Variants in MAP3K7CL observed in about 807,000 individuals in gnomAD.
The protein encoded by MAP3K7CL is MAP3K7 C-terminal-like protein.
A neutral mutation model predicts 18.6 loss-of-function variants in MAP3K7CL; 16 were observed. The observed-to-expected ratio is 0.86, with a 90% CI of 0.58 to 1.31. The LOEUF (loss-of-function observed/expected upper bound fraction) is 1.31. MAP3K7CL is among the 50% of genes most tolerant of loss of function. The probability of loss-of-function intolerance (pLI) is 0.00; values close to 1 mark genes in which losing one functional copy is unlikely to be tolerated. For synonymous variants in MAP3K7CL, 65 were observed against 66.8 expected (o/e 0.97, Z 0.13); for missense variants, 163 against 174.4 (o/e 0.93, Z 0.37).
In MAP3K7CL at chr21:29,125,163, T is replaced by C. The variant is rs139942537; in HGVS notation, c.371-24026T>C. Among the ~76,000 whole-genome samples the C allele has an allele frequency of 3.9e-3, 595 of 152,352 alleles. 5 individuals are homozygous for C. The highest frequency in any genetic ancestry group is 0.014 in the African/African-American group (564 of 41,582). ...CATAGTGCCTGTTTTATTTCTGGCATTGTTGCACGTACTTGTATTGCTCTT... is the reference window on the plus strand; with the variant it reads ...CATAGTGCCTGTTTTATTTCTGGCACTGTTGCACGTACTTGTATTGCTCTT... On this transcript the variant is annotated intron_variant, in intron 4 of 6. Coordinates refer to the MAP3K7CL transcript ENST00000286791.
chr21:29,089,536 TAA>T (rs2085986047), intron 1 of MAP3K7CL, among the ~76,000 whole-genome samples: 2 of 152,218 alleles, frequency 1.3e-5, no homozygotes, highest in African/African-American at 4.8e-5. Context: ...AACCCTTTCC[TAA>T]GTTAGGGGCT....
chr21:29,099,963 G>A (rs112676534), intron 4 of MAP3K7CL, among the ~76,000 whole-genome samples: 1 of 151,694 alleles, frequency 6.6e-6, no homozygotes, highest in East Asian at 1.9e-4. Flanking sequence ...GGCGCCTGTA[G>A]TCCCAGCTAC....
intron 2 of MAP3K7CL, among the ~76,000 whole-genome samples, chr21:29,145,921 T>A (rs1217319589): frequency 3.3e-5 from 5 of 152,058 alleles, no homozygotes; most frequent in African/African-American, 1.2e-4. Flanking sequence ...TATCTGTAAG[T>A]TTATCAGTAT....
At chr21:29,165,230 G>C (rs73897268) in intron 4 of MAP3K7CL, among the ~76,000 whole-genome samples, 1 of 152,090 alleles carries the variant, frequency 6.6e-6, no homozygotes, top group Non-Finnish European at 1.5e-5. Flanking sequence ...ATGAAATATT[G>C]TATTGGGTAC....
chr21:29,139,092 T>C (rs2086946356), intron 2 of MAP3K7CL, among the ~76,000 whole-genome samples: 1 of 152,238 alleles, frequency 6.6e-6, no homozygotes, highest in Non-Finnish European at 1.5e-5. Context: ...TTTTAAATAA[T>C]ACAGTTTTCT....
intron 4 of MAP3K7CL, among the ~76,000 whole-genome samples, chr21:29,162,448 G>A (rs150520301): frequency 6.6e-6 from 1 of 151,230 alleles, no homozygotes; most frequent in African/African-American, 2.4e-5. Context: ...TTGGGAGGCC[G>A]AGGCAGGCAG....
intron 4 of MAP3K7CL, among the ~76,000 whole-genome samples, chr21:29,106,910 A>G (rs1253065657): frequency 6.6e-6 from 1 of 152,140 alleles, no homozygotes; most frequent in African/African-American, 2.4e-5. Flanking sequence ...GCTTTGTCCA[A>G]TTCTGTCCAA....
intron 4 of MAP3K7CL, among the ~76,000 whole-genome samples, chr21:29,114,673 G>A (rs1039014691): frequency 1.3e-5 from 2 of 152,222 alleles, no homozygotes; most frequent in Non-Finnish European, 2.9e-5. Flanking sequence ...TTACAGGCAT[G>A]AGCCACTGCA....
chr21:29,134,246 G>C (rs2086837304), intron 2 of MAP3K7CL, among the ~76,000 whole-genome samples: 1 of 152,200 alleles, frequency 6.6e-6, no homozygotes, highest in Non-Finnish European at 1.5e-5. Context: ...GGCCGAGCAT[G>C]GTGGCTCACG....
intron 4 of MAP3K7CL, among the ~76,000 whole-genome samples, chr21:29,107,428 A>G (rs1003902029): frequency 2.0e-5 from 3 of 152,206 alleles, no homozygotes; most frequent in African/African-American, 7.2e-5. Context: ...CGGCAGCCCA[A>G]ACAAGAGTGA....
intron 1 of MAP3K7CL, among the ~76,000 whole-genome samples, chr21:29,079,878 C>T (rs550679295): frequency 5.3e-5 from 8 of 152,306 alleles, no homozygotes. Flanking sequence ...TATTACCATT[C>T]TAAGAGGGAA....
intron 4 of MAP3K7CL, among the ~76,000 whole-genome samples, chr21:29,117,314 T>C (rs903307705): frequency 6.6e-5 from 10 of 152,244 alleles, no homozygotes; most frequent in African/African-American, 2.4e-4. Flanking sequence ...CCTTCTCTGA[T>C]GGACTTAACA....
At chr21:29,106,393 G>A (rs1454576286) in intron 4 of MAP3K7CL, among the ~76,000 whole-genome samples, 1 of 152,142 alleles carries the variant, frequency 6.6e-6, no homozygotes, top group Non-Finnish European at 1.5e-5. Flanking sequence ...TGTTGGCCAG[G>A]CTGGTCTCGA....
intron 4 of MAP3K7CL, among the ~76,000 whole-genome samples, chr21:29,170,184 G>A (rs756722690): frequency 3.3e-5 from 5 of 152,276 alleles, no homozygotes; most frequent in Non-Finnish European, 5.9e-5. Flanking sequence ...ATATAAATAG[G>A]TCCTGGACAG....
intron 2 of MAP3K7CL, among the ~76,000 whole-genome samples, chr21:29,136,120 G>T (rs1428207221): frequency 6.6e-6 from 1 of 152,178 alleles, no homozygotes; most frequent in African/African-American, 2.4e-5. Context: ...TATGTTTTAT[G>T]CATATCACAA....
chr21:29,169,846 T>C (rs1200471725), intron 4 of MAP3K7CL, among the ~76,000 whole-genome samples: 1 of 152,206 alleles, frequency 6.6e-6, no homozygotes, highest in Non-Finnish European at 1.5e-5. Context: ...TTTCCAGGCA[T>C]GTGGCTTAGG....
At chr21:29,079,639 CAA>C (rs2085804330) in intron 1 of MAP3K7CL, among the ~76,000 whole-genome samples, 1 of 152,194 alleles carries the variant, frequency 6.6e-6, no homozygotes, top group African/African-American at 2.4e-5. Flanking sequence ...GTGGTGCACT[CAA>C]TGGCAAACGA....
At chr21:29,135,000 G>A (rs1359014110) in intron 2 of MAP3K7CL, among the ~76,000 whole-genome samples, 2 of 150,622 alleles carry the variant, frequency 1.3e-5, no homozygotes, top group African/African-American at 4.9e-5. Flanking sequence ...GCAGTGAGCC[G>A]AGATCGTGCC....
At chr21:29,109,127 T>C (rs1272022270) in intron 4 of MAP3K7CL, 2 of 1,535,298 alleles carry the variant, frequency 1.3e-6, no homozygotes, top group Non-Finnish European at 1.7e-6. Flanking sequence ...TGGGCCTGAC[T>C]GAAGATGCTT....
Sources: allele counts gnomAD v4.1 joint callset (sites outside exome capture counted in the v4.1 genomes callset), GRCh38; gene constraint gnomAD v4.1.1; transcripts MANE v1.5; gene names NCBI Gene and HGNC (gene_info 2026-07-23, HGNC 2026-07-21).